Variants in MYO3B observed in about 807,000 individuals in gnomAD.
The protein encoded by MYO3B is myosin-IIIb.
In MYO3B, 156 loss-of-function variants were observed where a neutral mutation model predicts 174.6. That is an observed-to-expected ratio of 0.89 (90% CI 0.78 to 1.02). The LOEUF (loss-of-function observed/expected upper bound fraction) is 1.02. MYO3B is among the 50% of genes least tolerant of loss of function. The pLI is 0.00. For synonymous variants in MYO3B, 563 were observed against 569.1 expected, an observed-to-expected ratio of 0.99 and a Z score of 0.15; for missense variants, 1,632 against 1,639.4, an observed-to-expected ratio of 1.00 and a Z score of 0.08.
At chr2:170,212,819 G>A (rs2092786832) in intron 3 of MYO3B, among the ~76,000 whole-genome samples, 1 of 152,176 alleles carries the variant, frequency 6.6e-6, no homozygotes, top group African/African-American at 2.4e-5. Context: ...AGTCTGCTGT[G>A]GGGATGCCCA....
chr2:170,500,192 C>T (rs527425973), intron 27 of MYO3B, among the ~76,000 whole-genome samples: 1 of 152,212 alleles, frequency 6.6e-6, no homozygotes, highest in East Asian at 1.9e-4. Flanking sequence ...ACATGCAAGT[C>T]ATAAAAAGTG....
intron 19 of MYO3B, among the ~76,000 whole-genome samples, chr2:170,403,710 T>G (rs1169642933): frequency 2.6e-5 from 4 of 152,230 alleles, no homozygotes; most frequent in African/African-American, 9.6e-5. Context: ...TCAACTTCGA[T>G]GAGATAGACA....
intron 32 of MYO3B, among the ~76,000 whole-genome samples, chr2:170,560,782 A>C (rs1287254173): frequency 6.6e-6 from 1 of 152,146 alleles, no homozygotes; most frequent in African/African-American, 2.4e-5. Context: ...AAATCAGATA[A>C]ATGGAAAGAG....
At chr2:170,460,990 T>A (rs967919619) in intron 23 of MYO3B, among the ~76,000 whole-genome samples, 48 of 152,216 alleles carry the variant, frequency 3.2e-4, no homozygotes, top group African/African-American at 1.1e-3. Context: ...GCTAAGTGTC[T>A]GTTATAAGTT....
chr2:170,304,004 A>G lies in MYO3B; in HGVS notation c.750-31381A>G, dbSNP rs192120480. On this transcript the variant is annotated intron_variant, in intron 7 of 34. Coordinates refer to ENST00000408978, the MANE Select transcript of MYO3B (RefSeq NM_138995.5). ...TTTTCAATAATATAGAAGTTTCATA[A>G]TATATTTAACTATGCCCTTATAGAT... Among the ~76,000 whole-genome samples, 3 of 152,226 alleles carry G rather than the reference A, an allele frequency of 2.0e-5. No individual in the cohort carries two copies. In the East Asian group the frequency reaches 5.8e-4, roughly 29 times the overall value.
intron 8 of MYO3B, among the ~76,000 whole-genome samples, chr2:170,339,821 T>C (rs6716429): frequency 0.5 from 76,423 of 152,048 alleles, 21,125 homozygotes; most frequent in East Asian, 0.66. Flanking sequence ...AGCTTAGTTA[T>C]GATAAATTAA....
chr2:170,520,475 A>G (rs1356621413), intron 30 of MYO3B, among the ~76,000 whole-genome samples: 1 of 151,256 alleles, frequency 6.6e-6, no homozygotes, highest in Non-Finnish European at 1.5e-5. Flanking sequence ...ACATATATAT[A>G]CACATATATA....
At position 170,329,771 on chromosome 2, in the gene MYO3B, G is replaced by A. The variant is rs75437058; in HGVS notation, c.750-5614G>A. Among the ~76,000 whole-genome samples, 385 of 152,146 alleles carry A rather than the reference G, an allele frequency of 2.5e-3. 18 individuals are homozygous for A. The East Asian group carries it at 0.07, about 28-fold the overall frequency. On this transcript the variant is annotated intron_variant, in intron 7 of 34. Coordinates refer to ENST00000408978, the MANE Select transcript of MYO3B (RefSeq NM_138995.5). ...TTTTAAAAATAATTAATTTTGAACA[G>A]GTAAGATGTGACTTAGGGAGAAAAG... is the stretch of plus-strand genomic sequence containing the variant.
chr2:170,221,157 A>T (rs941443482), intron 6 of MYO3B, among the ~76,000 whole-genome samples: 3 of 152,006 alleles, frequency 2.0e-5, no homozygotes, highest in Non-Finnish European at 4.4e-5. Context: ...CCTGTGTGGT[A>T]TATTGATCCT....
intron 28 of MYO3B, among the ~76,000 whole-genome samples, chr2:170,503,582 C>A (rs192952978): frequency 1.2e-4 from 18 of 149,194 alleles, no homozygotes; most frequent in African/African-American, 3.7e-4. Flanking sequence ...CATTAAGGTG[C>A]CTTCCTTTTT....
intron 32 of MYO3B, among the ~76,000 whole-genome samples, chr2:170,614,652 C>T (rs908489985): frequency 3.9e-5 from 6 of 152,152 alleles, no homozygotes; most frequent in African/African-American, 1.4e-4. Flanking sequence ...GACTGAGATC[C>T]CATATTTCTG....
At chr2:170,377,292 T>G (rs2094301102) in intron 9 of MYO3B, among the ~76,000 whole-genome samples, 3 of 152,226 alleles carry the variant, frequency 2.0e-5, no homozygotes, top group Admixed American at 6.5e-5. Context: ...ATTCTTCTAG[T>G]GTTTAAACCA....
intron 30 of MYO3B, among the ~76,000 whole-genome samples, chr2:170,527,104 G>A (rs554803565): frequency 2.4e-4 from 37 of 152,166 alleles, no homozygotes; most frequent in African/African-American, 6.7e-4. Context: ...GGTCTCATTC[G>A]TGTGACATAC....
intron 32 of MYO3B, among the ~76,000 whole-genome samples, chr2:170,572,973 A>G (rs574563712): frequency 1.3e-5 from 2 of 151,962 alleles, no homozygotes; most frequent in South Asian, 4.2e-4. Flanking sequence ...CATGCTTAGT[A>G]TTTTGGCTTT....
chr2:170,277,889 A>G (rs181116417), intron 7 of MYO3B, among the ~76,000 whole-genome samples: 1 of 152,352 alleles, frequency 6.6e-6, no homozygotes. Context: ...TATGTATTTT[A>G]GAAGGACATT....
At position 170,514,988 on chromosome 2, in the gene MYO3B, G is replaced by A. The variant is rs763853710; in HGVS notation, c.3438G>A (p.Glu1146=). Residue 1146 remains glutamate (E), a synonymous_variant, in exon 29 of 35, where the codon GAG becomes GAA. Transcript: ENST00000408978. The stretch of plus-strand genomic sequence containing the variant: ...CAGCAGGTACGAGGGGAAGTGCCGA[G>A]GTTCAAGACTGCAGCGAGCCTGGTG... ...PVAAGTRGSA[E]VQDCSEPGDH... is the part of the protein sequence containing the mutation. The A allele has an allele frequency of 2.5e-6, 4 of 1,614,076 alleles. No individual in the cohort carries two copies. The highest frequency in any genetic ancestry group is 1.1e-5 in the South Asian group (1 of 91,064).
At chr2:170,193,219 A>T (rs2092560850) in intron 1 of MYO3B, among the ~76,000 whole-genome samples, 1 of 152,026 alleles carries the variant, frequency 6.6e-6, no homozygotes, top group South Asian at 2.1e-4. Flanking sequence ...ATTGATTTAA[A>T]GTCTGCCCAT....
At chr2:170,468,676 T>C (rs1684789521) in intron 25 of MYO3B, among the ~76,000 whole-genome samples, 1 of 152,204 alleles carries the variant, frequency 6.6e-6, no homozygotes. Context: ...CTTTATGTTC[T>C]CGACTAGGCA....
rs146763829 is a variant in MYO3B at position 170,225,534 on chromosome 2, A to G, written c.603+8139A>G. On this transcript the variant is annotated intron_variant, in intron 6 of 34. Transcript: ENST00000408978. ...TGTAATTAATGCCCAAGAGAAGGAT[A>G]TGGAAAAAATAAAATAAAGTTCTTT... Among the ~76,000 whole-genome samples, 42 of 152,376 alleles carry G rather than the reference A, an allele frequency of 2.8e-4. No homozygotes were observed. The East Asian group carries it at 5.8e-3, about 21-fold the overall frequency.
Sources: gnomAD v4.1 joint callset for allele counts (sites outside exome capture counted in the v4.1 genomes callset) on GRCh38, gnomAD v4.1.1 for gene constraint, MANE v1.5 for transcripts, NCBI Gene and HGNC (gene_info 2026-07-23, HGNC 2026-07-21) for gene names.